TMEFF1: variants seen among roughly 807,000 people sequenced by gnomAD.
TMEFF1 encodes tomoregulin-1.
TMEFF1 carries 20 observed loss-of-function variants against 47.5 expected under a neutral mutation model. The observed-to-expected ratio is 0.42, with a 90% CI of 0.30 to 0.61. The LOEUF (loss-of-function observed/expected upper bound fraction) is 0.61, where lower values mean the gene tolerates loss of function less well. Among genes scored for constraint, TMEFF1 ranks in the 20% least tolerant of loss-of-function variants. TMEFF1 has a pLI of 0.19. For missense variants in TMEFF1, 411 were observed against 471.1 expected (o/e 0.87, Z 1.18); for synonymous variants, 162 against 166.3 (o/e 0.97, Z 0.20).
intron 1 of TMEFF1, among the ~76,000 whole-genome samples, chr9:100,475,806 G>A (rs75812630): frequency 0.022 from 3,268 of 151,430 alleles, 103 homozygotes; most frequent in African/African-American, 0.075. Flanking sequence ...CCTCGGGTAT[G>A]GGCAGGAAAG....
chr9:100,547,831 T>C lies in TMEFF1; in HGVS notation c.648T>C (p.Val216=), dbSNP rs373778134. The C allele has an allele frequency of 3.0e-5, 48 of 1,610,900 alleles. No individual in the cohort carries two copies. The African/African-American group carries it at 5.6e-4, about 19-fold the overall frequency. ...GTTCCTATAACAATCCCTGTTTTGT[T>C]CGAGAAGCATCTTGTATAAAGCAAG... ...DGSSYNNPCF[V]REASCIKQEQ... The change falls in exon 6 of 10, where the codon GTT becomes GTC. Residue 216 remains valine, a synonymous_variant. Transcript: ENST00000374879.
chr9:100,506,061 G>A (rs779497308), intron 2 of TMEFF1, among the ~76,000 whole-genome samples: 3 of 152,178 alleles, frequency 2.0e-5, no homozygotes, highest in Non-Finnish European at 4.4e-5. Flanking sequence ...AGAAAAGTTG[G>A]TGTAAGATTC....
At chr9:100,518,771 A>G (rs1310379758) in intron 5 of TMEFF1, among the ~76,000 whole-genome samples, 1 of 151,810 alleles carries the variant, frequency 6.6e-6, no homozygotes, top group Non-Finnish European at 1.5e-5. Context: ...TAAATGGGCC[A>G]TGGTACCAAG....
intron 7 of TMEFF1, among the ~76,000 whole-genome samples, chr9:100,559,491 G>C (rs1290613161): frequency 7.2e-5 from 11 of 151,928 alleles, no homozygotes. Context: ...GATCTTTTGT[G>C]GGTGTAAAAT....
chr9:100,555,605 A>G (rs1838901664), intron 7 of TMEFF1, among the ~76,000 whole-genome samples: 1 of 152,150 alleles, frequency 6.6e-6, no homozygotes, highest in Non-Finnish European at 1.5e-5. Context: ...AGTAATATCT[A>G]CTACCTAAGA....
intron 5 of TMEFF1, among the ~76,000 whole-genome samples, chr9:100,521,262 C>G (rs1269711641): frequency 6.6e-6 from 1 of 152,104 alleles, no homozygotes; most frequent in Non-Finnish European, 1.5e-5. Flanking sequence ...AAGAGGCTTC[C>G]CCCTCACCCT....
intron 7 of TMEFF1, among the ~76,000 whole-genome samples, chr9:100,558,756 C>T (rs960101450): frequency 2.6e-5 from 4 of 151,830 alleles, no homozygotes; most frequent in African/African-American, 4.8e-5. Context: ...ATTCATTTAA[C>T]AAACATTTGT....
intron 5 of TMEFF1, among the ~76,000 whole-genome samples, chr9:100,541,220 T>A (rs979677737): frequency 2.0e-5 from 3 of 152,178 alleles, no homozygotes; most frequent in Non-Finnish European, 4.4e-5. Flanking sequence ...GGGAAGTATT[T>A]AAAGCAAATC....
At chr9:100,519,773 A>C (rs1220849854) in intron 5 of TMEFF1, among the ~76,000 whole-genome samples, 1 of 149,622 alleles carries the variant, frequency 6.7e-6, no homozygotes, top group African/African-American at 2.5e-5. Flanking sequence ...CTGCTTTTAA[A>C]TTCTGTTAGT....
chr9:100,478,963 G>A (rs1052414140), intron 1 of TMEFF1, among the ~76,000 whole-genome samples: 2 of 152,186 alleles, frequency 1.3e-5, no homozygotes, highest in Non-Finnish European at 2.9e-5. Context: ...TTTGAAATGG[G>A]TTTTAACTAG....
intron 7 of TMEFF1, among the ~76,000 whole-genome samples, chr9:100,555,191 A>ACACG (rs1554689188): frequency 1.3e-5 from 2 of 151,244 alleles, no homozygotes; most frequent in African/African-American, 4.8e-5. Flanking sequence ...ACACACACAC[A>ACACG]CACGCACACA....
At chr9:100,536,386 TGAG>T (rs1838507926) in intron 5 of TMEFF1, among the ~76,000 whole-genome samples, 1 of 152,154 alleles carries the variant, frequency 6.6e-6, no homozygotes, top group Non-Finnish European at 1.5e-5. Context: ...TGCTGAGCCT[TGAG>T]GAAGAGGAAC....
chr9:100,480,720 A>G (rs888047424), intron 1 of TMEFF1, among the ~76,000 whole-genome samples: 1 of 152,220 alleles, frequency 6.6e-6, no homozygotes, highest in Non-Finnish European at 1.5e-5. Context: ...TCTTGGTGCT[A>G]CATTGGGAAA....
intron 1 of TMEFF1, among the ~76,000 whole-genome samples, chr9:100,496,061 G>A (rs911826037): frequency 6.6e-6 from 1 of 152,192 alleles, no homozygotes; most frequent in Admixed American, 6.5e-5. Flanking sequence ...CATGTATTAT[G>A]TCTTGTGTGA....
chr9:100,541,468 A>G (rs1184460914), intron 5 of TMEFF1, among the ~76,000 whole-genome samples: 1 of 149,546 alleles, frequency 6.7e-6, no homozygotes, highest in Non-Finnish European at 1.5e-5. Context: ...CTGCCTCCCA[A>G]GTTCGAGTGA....
At chr9:100,484,551 T>C (rs1837411860) in intron 1 of TMEFF1, among the ~76,000 whole-genome samples, 1 of 152,016 alleles carries the variant, frequency 6.6e-6, no homozygotes, top group Non-Finnish European at 1.5e-5. Flanking sequence ...ACTCCTGACC[T>C]CAGGTGATCC....
chr9:100,513,865 C>A (rs1339396807), intron 4 of TMEFF1, among the ~76,000 whole-genome samples: 2 of 152,200 alleles, frequency 1.3e-5, no homozygotes, highest in East Asian at 3.8e-4. Flanking sequence ...ACTTGCCCAA[C>A]AACTCTCGTG....
intron 2 of TMEFF1, among the ~76,000 whole-genome samples, chr9:100,499,527 GC>G (rs894794018): frequency 6.6e-6 from 1 of 152,082 alleles, no homozygotes; most frequent in Non-Finnish European, 1.5e-5. Flanking sequence ...TTGATATGAG[GC>G]GAAAAAGGAA....
chr9:100,568,626 A>T (rs1289324610), intron 8 of TMEFF1, among the ~76,000 whole-genome samples: 2 of 131,048 alleles, frequency 1.5e-5, no homozygotes, highest in Non-Finnish European at 3.4e-5. Context: ...TTGGTGTTTA[A>T]TATATGCACA....
Sources: allele counts gnomAD v4.1 joint callset (sites outside exome capture counted in the v4.1 genomes callset), GRCh38; gene constraint gnomAD v4.1.1; transcripts MANE v1.5; gene names NCBI Gene and HGNC (gene_info 2026-07-23, HGNC 2026-07-21).